The following GLT1D1 variants were observed in gnomAD, a reference collection of about 807,000 sequenced individuals.
GLT1D1 encodes glycosyltransferase 1 domain containing 1, also known as glycosyltransferase 1 domain-containing protein 1.
Under a neutral mutation model 28.7 loss-of-function variants are expected in GLT1D1, and 21 were observed. That is an observed-to-expected ratio of 0.73 (90% confidence interval 0.52 to 1.05). The LOEUF (loss-of-function observed/expected upper bound fraction) is 1.05, where lower values mean the gene tolerates loss of function less well. GLT1D1 is among the 50% of genes least tolerant of loss of function. The probability of loss-of-function intolerance (pLI) is 0.00; values close to 1 mark genes in which losing one functional copy is unlikely to be tolerated. For synonymous variants in GLT1D1, 147 were observed against 124.8 expected (o/e 1.18, Z -1.19); for missense variants, 343 against 330.6 (o/e 1.04, Z -0.29).
intron 5 of GLT1D1, among the ~76,000 whole-genome samples, chr12:128,945,978 C>T (rs1028212319): frequency 6.6e-6 from 1 of 152,148 alleles, no homozygotes; most frequent in Non-Finnish European, 1.5e-5. Flanking sequence ...TTGGGTCAGC[C>T]CCCTGTAAAG....
At chr12:128,982,832 C>T (rs1565932158) in intron 7 of GLT1D1, 97 bp from the exon 12 acceptor site, 3 of 1,143,360 alleles carry the variant, frequency 2.6e-6, no homozygotes, top group African/African-American at 1.5e-5. Context: ...CAGACAAGGG[C>T]AAGGCCAGCA....
intron 1 of GLT1D1, among the ~76,000 whole-genome samples, chr12:128,874,086 TTCTTTCTTTCTTTCTCTC>T (rs1300213537): frequency 2.6e-3 from 47 of 17,870 alleles, no homozygotes; most frequent in Non-Finnish European, 4.6e-3. Context: ...CTTTCTTTCT[TTCTTTCTTTCTTTCTCTC>T]TCTCTCTCTC....
intron 7 of GLT1D1, among the ~76,000 whole-genome samples, chr12:128,974,396 C>T (rs908083693): frequency 7.9e-5 from 12 of 152,108 alleles, no homozygotes; most frequent in African/African-American, 2.9e-4. Flanking sequence ...CACAGAGCCC[C>T]GGGAATGGCA....
At chr12:128,919,536 C>A (rs1336068747) in intron 4 of GLT1D1, among the ~76,000 whole-genome samples, 4 of 152,190 alleles carry the variant, frequency 2.6e-5, no homozygotes, top group Non-Finnish European at 5.9e-5. Flanking sequence ...ATGAGTAAGT[C>A]TCCTTAATTT....
At chr12:128,954,563 C>G (rs1335784909) in intron 6 of GLT1D1, among the ~76,000 whole-genome samples, 2 of 152,152 alleles carry the variant, frequency 1.3e-5, no homozygotes, top group South Asian at 4.1e-4. Flanking sequence ...CTCTATAAAA[C>G]TTACTGAGTC....
chr12:128,864,098 T>C, intron 1 of GLT1D1: 2 of 651,328 alleles, frequency 3.1e-6, no homozygotes, highest in Non-Finnish European at 5.6e-6. Context: ...TCCCTGCACG[T>C]GGAATGCTGG....
In GLT1D1 at chr12:128,890,063, C is replaced by T. The variant is rs557778726; in HGVS notation, c.323+1319C>T. 4.6e-5 allele frequency among the ~76,000 whole-genome samples: 7 copies of T among 152,306 alleles called. No homozygotes were observed. In the South Asian group the frequency reaches 8.3e-4, roughly 18 times the overall value. On this transcript the variant is annotated intron_variant, in intron 3 of 7. Coordinates refer to ENST00000281703, the MANE Select transcript of GLT1D1 (RefSeq NM_144669.3). The stretch of plus-strand genomic sequence containing the variant: ...TGCTGGGATTACGGGCATGAGATAC[C>T]GTGCCCAGCCTGAAATGGGCCAGTT...
chr12:128,924,342 G>A (rs1370788821), intron 4 of GLT1D1, among the ~76,000 whole-genome samples: 1 of 151,442 alleles, frequency 6.6e-6, no homozygotes, highest in Non-Finnish European at 1.5e-5. Flanking sequence ...GATGAGAATT[G>A]CTTGAACCGG....
chr12:128,870,934 C>T (rs964755288), intron 1 of GLT1D1, among the ~76,000 whole-genome samples: 4 of 152,076 alleles, frequency 2.6e-5, no homozygotes, highest in East Asian at 1.9e-4. Context: ...GAGGTTGCAA[C>T]GAGCTGAGAT....
chr12:128,886,678 A>G (rs1162773763), intron 2 of GLT1D1, among the ~76,000 whole-genome samples: 1 of 151,300 alleles, frequency 6.6e-6, no homozygotes, highest in African/African-American at 2.4e-5. Context: ...TCCCTCTTCC[A>G]CTTGTAACGA....
intron 4 of GLT1D1, among the ~76,000 whole-genome samples, chr12:128,916,243 A>G (rs148723834): frequency 7.7e-4 from 117 of 152,324 alleles, no homozygotes; most frequent in African/African-American, 2.5e-3. Context: ...CATTCCATAT[A>G]TCACAAATTG....
At chr12:128,853,747 C>T in intron 1 of GLT1D1, 98 bp downstream of exon 1, 2 of 811,162 alleles carry the variant, frequency 2.5e-6, no homozygotes, top group Non-Finnish European at 3.0e-6. Context: ...AGGCCCCCTC[C>T]AGCCGCGCCG....
intron 7 of GLT1D1, among the ~76,000 whole-genome samples, chr12:128,972,029 G>A (rs1879233560): frequency 6.6e-6 from 1 of 151,544 alleles, no homozygotes; most frequent in South Asian, 2.1e-4. Context: ...CACACGTCAA[G>A]GCTCCCTCTC....
At chr12:128,915,297 A>C (rs1871993850) in intron 4 of GLT1D1, among the ~76,000 whole-genome samples, 1 of 152,012 alleles carries the variant, frequency 6.6e-6, no homozygotes, top group Non-Finnish European at 1.5e-5. Flanking sequence ...ATTTTATTTT[A>C]CTTTACTAAT....
At chr12:128,933,910 C>G (rs576602976) in intron 4 of GLT1D1, among the ~76,000 whole-genome samples, 2 of 152,136 alleles carry the variant, frequency 1.3e-5, no homozygotes, top group South Asian at 4.1e-4. Context: ...GGAGATGGAT[C>G]TGAGAAGTGG....
intron 4 of GLT1D1, among the ~76,000 whole-genome samples, chr12:128,922,530 A>G (rs1566135837): frequency 6.6e-6 from 1 of 152,232 alleles, no homozygotes; most frequent in Non-Finnish European, 1.5e-5. Context: ...CTTCTGACCT[A>G]CAATTCAAAT....
intron 7 of GLT1D1, among the ~76,000 whole-genome samples, chr12:128,965,179 G>A (rs546674550): frequency 1.2e-4 from 18 of 152,314 alleles, no homozygotes; most frequent in South Asian, 4.1e-4. Context: ...GCCTGACCTC[G>A]TCATCAGAGC....
At chr12:128,893,457 T>C (rs1235376862) in intron 3 of GLT1D1, among the ~76,000 whole-genome samples, 1 of 150,230 alleles carries the variant, frequency 6.7e-6, no homozygotes, top group African/African-American at 2.5e-5. Context: ...AGCCCAAAGA[T>C]TTTTTTTACA....
intron 4 of GLT1D1, chr12:128,944,948 G>A (rs1413092692): frequency 2.2e-5 from 12 of 538,316 alleles, no homozygotes; most frequent in African/African-American, 2.1e-4. Flanking sequence ...CCCTCCTCCA[G>A]CCCCCGACCC....
Sources: allele counts gnomAD v4.1 joint callset (sites outside exome capture counted in the v4.1 genomes callset), GRCh38; gene constraint gnomAD v4.1.1; transcripts MANE v1.5; gene names NCBI Gene and HGNC (gene_info 2026-07-23, HGNC 2026-07-21).